The following ASXL2 variants were observed in gnomAD, a reference collection of about 807,000 sequenced individuals.
The protein encoded by ASXL2 is putative Polycomb group protein ASXL2.
In ASXL2, 23 loss-of-function variants were observed where a neutral mutation model predicts 122.0. That is an observed-to-expected ratio of 0.19 (90% CI 0.14 to 0.27). The LOEUF is 0.27. ASXL2 is among the 10% of genes least tolerant of loss of function. The pLI is 1.00. For missense variants in ASXL2, 1,518 were observed against 1,713.8 expected (o/e 0.89, Z 2.02); for synonymous variants, 650 against 637.0 (o/e 1.02, Z -0.31).
intron 5 of ASXL2, among the ~76,000 whole-genome samples, chr2:25,784,123 G>A (rs950301734): frequency 5.3e-5 from 8 of 150,856 alleles, no homozygotes; most frequent in Non-Finnish European, 8.8e-5. Flanking sequence ...GTGCGGTGGC[G>A]TGCTGTAGTC....
intron 3 of ASXL2, chr2:25,823,080 A>G (rs1236557947): frequency 9.6e-6 from 4 of 416,356 alleles, no homozygotes; most frequent in African/African-American, 2.1e-5. Flanking sequence ...CCCATTTTTC[A>G]GCCTGCTTGT....
At chr2:25,795,229 AT>A (rs1259765773) in intron 5 of ASXL2, among the ~76,000 whole-genome samples, 1 of 152,232 alleles carries the variant, frequency 6.6e-6, no homozygotes, top group Non-Finnish European at 1.5e-5. Flanking sequence ...AGAGCATCTC[AT>A]CTTACTGTAA....
At chr2:25,809,460 T>A (rs961284476) in intron 3 of ASXL2, among the ~76,000 whole-genome samples, 1 of 152,214 alleles carries the variant, frequency 6.6e-6, no homozygotes, top group African/African-American at 2.4e-5. Flanking sequence ...CCATAATGGA[T>A]TCTTTCCCTG....
At position 25,734,150 on chromosome 2, in the gene ASXL2, ATCTT is replaced by A. The variant is rs1173187863; in HGVS notation, c.*7875_*7878del. 1 of 151,184 alleles carries A rather than the reference ATCTT, an allele frequency of 6.6e-6. No homozygotes were observed. Among genetic ancestry groups the A allele is most frequent in the Admixed American group, 6.6e-5 (1 of 15,156 alleles). 9.4% of individuals were successfully genotyped at this position (151,184 alleles called of 1,614,324 possible). A position where few individuals can be genotyped will look rare whatever the true frequency, so the allele number is the denominator to read the frequency against. The stretch of plus-strand genomic sequence containing the variant: ...GAGTTTCATTTGTTATGTTCTCTAG[ATCTT>A]TCATGGATTCTAGAAATTTTGTGAA... On this transcript the variant is annotated 3_prime_UTR_variant, in exon 13 of 13. Coordinates refer to ENST00000435504, the MANE Select transcript of ASXL2 (RefSeq NM_018263.6).
chr2:25,749,723 G>A lies in ASXL2; in HGVS notation c.1833C>T (p.Ile611=). 6.5e-7 allele frequency: 1 copy of A among 1,532,994 alleles called. No homozygotes were observed. Among genetic ancestry groups the A allele is most frequent in the East Asian group, 2.3e-5 (1 of 44,060 alleles). The allele number at this position is 1,532,994 out of a possible 1,614,324, so 95.0% of individuals were successfully genotyped here. The part of the protein sequence containing the change: ...PQPFLNRGDR[I]QVRKVPPLKI... ...TGAGAGGTGGTACTTTTCGCACCTGGATTCTGTCCCCTCTATTGAGAAAGG... is the reference window on the plus strand; with the variant it reads ...TGAGAGGTGGTACTTTTCGCACCTGAATTCTGTCCCCTCTATTGAGAAAGG... The change falls in exon 12 of 13, where the codon ATC becomes ATT. Residue 611 remains isoleucine, a synonymous_variant. Coordinates refer to ENST00000435504, the MANE Select transcript of ASXL2 (RefSeq NM_018263.6).
At chr2:25,831,395 A>G (rs2089449635) in intron 3 of ASXL2, among the ~76,000 whole-genome samples, 1 of 152,068 alleles carries the variant, frequency 6.6e-6, no homozygotes, top group Non-Finnish European at 1.5e-5. Flanking sequence ...GCACAATGGC[A>G]CAGGCCTGTA....
chr2:25,745,613 T>TATCA (rs1161292714), intron 12 of ASXL2, among the ~76,000 whole-genome samples: 1 of 149,390 alleles, frequency 6.7e-6, no homozygotes, highest in Non-Finnish European at 1.5e-5. Context: ...TTCTGATGTC[T>TATCA]ATCAGGTTTG....
At chr2:25,800,841 AAG>A (rs2088988014) in intron 4 of ASXL2, among the ~76,000 whole-genome samples, 1 of 152,228 alleles carries the variant, frequency 6.6e-6, no homozygotes, top group Non-Finnish European at 1.5e-5. Flanking sequence ...CGCCCAACAT[AAG>A]AGGTCAAAAA....
At chr2:25,769,276 C>T (rs1457384848) in intron 6 of ASXL2, among the ~76,000 whole-genome samples, 2 of 152,108 alleles carry the variant, frequency 1.3e-5, no homozygotes, top group Non-Finnish European at 2.9e-5. Flanking sequence ...AAATTCTAAG[C>T]CTTATAACAA....
chr2:25,790,433 T>C (rs533117422), intron 5 of ASXL2, among the ~76,000 whole-genome samples: 2 of 148,800 alleles, frequency 1.3e-5, no homozygotes, highest in Admixed American at 6.7e-5. Flanking sequence ...AAAAAAAACA[T>C]AAAAAAAGGA....
chr2:25,736,471 T>C lies in ASXL2; in HGVS notation c.*5558A>G, dbSNP rs892549528. ...TTATTATATATGGAAATTATGAAGA[T>C]GCTAATGTCCCCTGAGACTTAAGAA... On this transcript the variant is annotated 3_prime_UTR_variant, in exon 13 of 13. Coordinates refer to ENST00000435504, the MANE Select transcript of ASXL2 (RefSeq NM_018263.6). The C allele has an allele frequency of 6.6e-6, 1 of 152,246 alleles. No individual in the cohort carries two copies. Among genetic ancestry groups the C allele is most frequent in the East Asian group, 1.9e-4 (1 of 5,198 alleles). 9.4% of individuals were successfully genotyped at this position (152,246 alleles called of 1,614,324 possible).
intron 1 of ASXL2, among the ~76,000 whole-genome samples, chr2:25,854,438 T>C (rs760730349): frequency 3.3e-5 from 5 of 152,182 alleles, no homozygotes; most frequent in African/African-American, 4.8e-5. Context: ...ATAACTTGCC[T>C]AAGGTTTTGT....
At chr2:25,810,078 CCTT>C (rs2089144282) in intron 3 of ASXL2, 2 of 552,056 alleles carry the variant, frequency 3.6e-6, no homozygotes, top group Non-Finnish European at 7.1e-6. Context: ...GTCTCTACCT[CCTT>C]GAGTTTATCA....
In ASXL2 at chr2:25,812,723, C is replaced by A. The variant is rs374100721; in HGVS notation, c.144-6386G>T. ...TTAAGGACAAATGTGCAAGGATTTA[C>A]TCCATCATTGAAAGCATCAAAGCAC... On this transcript the variant is annotated intron_variant, in intron 3 of 12. Transcript: ENST00000435504. 2.0e-5 allele frequency among the ~76,000 whole-genome samples: 3 copies of A among 152,304 alleles called. No individual in the cohort carries two copies. In the East Asian group the frequency reaches 5.8e-4, roughly 29 times the overall value.
chr2:25,792,912 T>A (rs1051057664), intron 5 of ASXL2, among the ~76,000 whole-genome samples: 1 of 148,430 alleles, frequency 6.7e-6, no homozygotes, highest in Non-Finnish European at 1.5e-5. Flanking sequence ...GGCTGATAAA[T>A]TTTTTTTTTT....
At chr2:25,810,686 A>AG in intron 3 of ASXL2, 5 of 702,086 alleles carry the variant, frequency 7.1e-6, no homozygotes, top group South Asian at 7.0e-5. Context: ...CTCACACTCC[A>AG]GATCCTGCCT....
chr2:25,814,986 T>C (rs2089216186), intron 3 of ASXL2, among the ~76,000 whole-genome samples: 1 of 152,168 alleles, frequency 6.6e-6, no homozygotes, highest in African/African-American at 2.4e-5. Context: ...ACAGATAATG[T>C]ACATACCAAG....
At position 25,735,216 on chromosome 2, in the gene ASXL2, T is replaced by C. The variant is rs1559494665; in HGVS notation, c.*6813A>G. The C allele has an allele frequency of 6.6e-6, 1 of 152,144 alleles. No individual in the cohort carries two copies. The highest frequency in any genetic ancestry group is 6.6e-5 in the Admixed American group (1 of 15,264). The allele number at this position is 152,144 out of a possible 1,614,324, so 9.4% of individuals were successfully genotyped here. A position where few individuals can be genotyped will look rare whatever the true frequency, so the allele number is the denominator to read the frequency against. ...TTTTAGGTTAAGGCAGAAAGTTACA[T>C]GGAAGTACAGAGTCTATACAGTCTC... On this transcript the variant is annotated 3_prime_UTR_variant, in exon 13 of 13. Transcript: ENST00000435504.
rs1304778168 is a variant in ASXL2, at chr2:25,736,118, TAAAA to T, written c.*5907_*5910del. The T allele has an allele frequency of 6.6e-6, 1 of 152,166 alleles. No homozygotes were observed. The highest frequency in any genetic ancestry group is 6.5e-5 in the Admixed American group (1 of 15,280). 9.4% of individuals were successfully genotyped at this position (152,166 alleles called of 1,614,324 possible). A position where few individuals can be genotyped will look rare whatever the true frequency, so the allele number is the denominator to read the frequency against. On this transcript the variant is annotated 3_prime_UTR_variant, in exon 13 of 13. Coordinates refer to ENST00000435504, the MANE Select transcript of ASXL2 (RefSeq NM_018263.6). Reference sequence around the variant, plus strand: ...ATTAGTAAATAACATGATTTGTACATAAAAAGTTACCAGACTTCTAAAGACCAGC... The same window carrying T: ...ATTAGTAAATAACATGATTTGTACATAGTTACCAGACTTCTAAAGACCAGC...
Sources: allele counts gnomAD v4.1 joint callset (sites outside exome capture counted in the v4.1 genomes callset), GRCh38; gene constraint gnomAD v4.1.1; transcripts MANE v1.5; gene names NCBI Gene and HGNC (gene_info 2026-07-23, HGNC 2026-07-21).